The following BANP variants were observed in gnomAD, a reference collection of about 807,000 sequenced individuals.
The protein encoded by BANP is protein BANP.
A neutral mutation model predicts 68.1 loss-of-function variants in BANP; 11 were observed. The ratio of observed to expected loss-of-function variants is 0.16; its 90% CI spans 0.10 to 0.27. BANP has a LOEUF of 0.27. BANP is among the 10% of genes least tolerant of loss of function. The pLI, the probability that BANP is intolerant of heterozygous loss-of-function variation, is 1.00. For missense variants in BANP, 504 were observed against 722.7 expected, an observed-to-expected ratio of 0.70 and a Z score of 3.47; for synonymous variants, 329 against 303.2, an observed-to-expected ratio of 1.09 and a Z score of -0.88.
At chr16:88,037,214 C>G (rs901765743) in intron 10 of BANP, 1 of 152,190 alleles carries the variant, frequency 6.6e-6, no homozygotes, top group African/African-American at 2.4e-5. Context: ...ATCTTGACTA[C>G]TCGAATTTCA....
chr16:88,055,061 A>G (rs55938310), intron 11 of BANP, among the ~76,000 whole-genome samples: 14,307 of 151,918 alleles, frequency 0.094, 1,531 homozygotes, highest in African/African-American at 0.26. Flanking sequence ...GAATCATGAA[A>G]TTATTTAGTA....
chr16:88,044,565 T>C (rs2081530031), intron 11 of BANP, among the ~76,000 whole-genome samples: 1 of 152,238 alleles, frequency 6.6e-6, no homozygotes, highest in Non-Finnish European at 1.5e-5. Context: ...CTTTGAAAAA[T>C]ACTGGAATAG....
intron 8 of BANP, among the ~76,000 whole-genome samples, chr16:88,032,427 C>G (rs1160588475): frequency 2.6e-5 from 4 of 152,160 alleles, no homozygotes; most frequent in African/African-American, 9.7e-5. Flanking sequence ...GTCTTGAACT[C>G]GTGACCTCAG....
intron 8 of BANP, among the ~76,000 whole-genome samples, chr16:88,031,889 C>CCTA (rs2152736744): frequency 6.6e-6 from 1 of 151,282 alleles, no homozygotes; most frequent in East Asian, 2.0e-4. Context: ...ACTGTAACCA[C>CCTA]CTACTCCCAG....
At chr16:87,992,241 A>G (rs2066043898) in intron 4 of BANP, among the ~76,000 whole-genome samples, 1 of 152,170 alleles carries the variant, frequency 6.6e-6, no homozygotes, top group Non-Finnish European at 1.5e-5. Flanking sequence ...TGCTTTTGCT[A>G]TACTGATCAG....
chr16:87,975,901 G>T (rs11117336), intron 2 of BANP, among the ~76,000 whole-genome samples: 1 of 112,374 alleles, frequency 8.9e-6, no homozygotes, highest in Non-Finnish European at 2.0e-5. Context: ...CCCTGTGTGT[G>T]GTGTCATGGA....
chr16:88,061,234 G>A (rs750787596), intron 11 of BANP, among the ~76,000 whole-genome samples: 24 of 152,074 alleles, frequency 1.6e-4, no homozygotes, highest in Middle Eastern at 3.4e-3. Context: ...GGGGTCTCCC[G>A]GGGCATCTTG....
At chr16:88,032,886 C>T (rs867342747) in intron 8 of BANP, among the ~76,000 whole-genome samples, 17 of 152,370 alleles carry the variant, frequency 1.1e-4, no homozygotes, top group South Asian at 2.1e-4. Context: ...CATCACGCCA[C>T]TCTCAGGCCC....
intron 11 of BANP, among the ~76,000 whole-genome samples, chr16:88,059,126 CTGGTGTGCTGAGGTCCGTGCTCCT>C (rs2085982962): frequency 2.0e-5 from 3 of 151,508 alleles, no homozygotes; most frequent in African/African-American, 7.3e-5. Flanking sequence ...CGTGCTCCTG[CTGGTGTGCTGAGGTCCGTGCTCCT>C]GCTGGTGTGC....
In BANP at chr16:88,027,659, C is replaced by T. The variant is rs371590599; in HGVS notation, c.1063+9C>T. 24 of 1,612,602 alleles carry T rather than the reference C, an allele frequency of 1.5e-5. No individual in the cohort carries two copies. The highest frequency in any genetic ancestry group is 9.3e-5 in the African/African-American group (7 of 74,902). Reference sequence around the variant, plus strand: ...CTCCTACTGCCCTTCAGGTAGGCCTCGTGCTGCAGGAGAGGCCGCCCTCCC... The same window carrying T: ...CTCCTACTGCCCTTCAGGTAGGCCTTGTGCTGCAGGAGAGGCCGCCCTCCC... On this transcript the variant is annotated intron_variant, in intron 8 of 13. Coordinates refer to ENST00000682872, the MANE Select transcript of BANP (RefSeq NM_001386991.1).
At chr16:88,026,013 C>T (rs1347080836) in intron 7 of BANP, among the ~76,000 whole-genome samples, 2 of 152,198 alleles carry the variant, frequency 1.3e-5, no homozygotes, top group Non-Finnish European at 2.9e-5. Flanking sequence ...GGGAAGTGGC[C>T]GGGCGTGCAG....
At chr16:87,960,475 A>T (rs759494420) in intron 1 of BANP, among the ~76,000 whole-genome samples, 1 of 152,208 alleles carries the variant, frequency 6.6e-6, no homozygotes, top group African/African-American at 2.4e-5. Context: ...TCCTAAAGAC[A>T]TACTTATTTG....
intron 7 of BANP, among the ~76,000 whole-genome samples, chr16:88,026,394 G>C (rs2076997453): frequency 6.6e-6 from 1 of 152,174 alleles, no homozygotes; most frequent in Non-Finnish European, 1.5e-5. Flanking sequence ...GCGATGGGAG[G>C]GTGTCTTGCA....
rs2061781769 is a variant in BANP, at chr16:87,975,162, A to G, written c.47A>G (p.Glu16Gly). The change falls in exon 2 of 14, where the codon GAA (glutamate) becomes GGA (glycine). Residue 16 changes from glutamate to glycine, a missense_variant. By Grantham distance (98) the Glu-to-Gly change is moderately conservative (BLOSUM62 -2). Transcript: ENST00000682872. ...DLADVVQIAV[E>G]DLSPDHPVVL... The stretch of plus-strand genomic sequence containing the variant: ...GCCGATGTGGTTCAGATTGCAGTGG[A>G]AGACCTGAGCCCTGACCACCCAGGT... The G allele has an allele frequency of 1.2e-6, 2 of 1,614,068 alleles. No homozygotes were observed. Among genetic ancestry groups the G allele is most frequent in the South Asian group, 2.2e-5 (2 of 91,090 alleles).
Position 87,998,293 on chromosome 16 carries a change from G to A in BANP, c.363-6002G>A, listed in dbSNP as rs146356392. Among the ~76,000 whole-genome samples the A allele has an allele frequency of 2.5e-4, 38 of 152,350 alleles. 1 individual carries two copies. The highest frequency in any genetic ancestry group is 8.7e-4 in the African/African-American group (36 of 41,580). On this transcript the variant is annotated intron_variant, in intron 4 of 13. Transcript: ENST00000682872. ...TGAAAAAGTGCTGAGGGTTGTGGGG[G>A]CAGTGAGTGGTTTTGGTTAGGAATG...
intron 13 of BANP, among the ~76,000 whole-genome samples, chr16:88,073,836 TG>T (rs1483080467): frequency 6.6e-6 from 1 of 152,268 alleles, no homozygotes; most frequent in Non-Finnish European, 1.5e-5. Context: ...GTCCCATGGT[TG>T]GTGTTTACAC....
At chr16:88,027,736 C>G (rs1030501019) in intron 8 of BANP, 86 bp downstream of exon 8, 6 of 1,493,478 alleles carry the variant, frequency 4.0e-6, no homozygotes, top group Admixed American at 4.0e-5. Flanking sequence ...CAGTGCGTGG[C>G]CAGCGGCTCC....
At position 88,076,759 on chromosome 16, in the gene BANP, C is replaced by T. The variant is rs960155805; in HGVS notation, c.*98C>T. On this transcript the variant is annotated 3_prime_UTR_variant, in exon 14 of 14. Coordinates refer to ENST00000682872, the MANE Select transcript of BANP (RefSeq NM_001386991.1). ...GGCCTCGGCACAGGCAGCGGCTGCA[C>T]GTGTTCTGCTGAAGTGCGTCTGAAG... The T allele has an allele frequency of 9.8e-6, 10 of 1,016,726 alleles. No individual in the cohort carries two copies. The highest frequency in any genetic ancestry group is 2.7e-5 in the Admixed American group (1 of 36,844). 63.0% of individuals were successfully genotyped at this position (1,016,726 alleles called of 1,614,324 possible).
chr16:88,050,709 GAGAC>G (rs2083054174), intron 11 of BANP, among the ~76,000 whole-genome samples: 3 of 152,024 alleles, frequency 2.0e-5, no homozygotes, highest in Non-Finnish European at 4.4e-5. Context: ...TTTGTTTTTA[GAGAC>G]AGTCTCACTC....
Sources: allele counts gnomAD v4.1 joint callset (sites outside exome capture counted in the v4.1 genomes callset), GRCh38; gene constraint gnomAD v4.1.1; transcripts MANE v1.5; gene names NCBI Gene and HGNC (gene_info 2026-07-23, HGNC 2026-07-21).